The following RARB variants were observed in gnomAD, a reference collection of about 807,000 sequenced individuals.
RARB encodes retinoic acid receptor beta.
RARB carries 17 observed loss-of-function variants against 51.9 expected under a neutral mutation model. That is an observed-to-expected ratio of 0.33 (90% confidence interval 0.22 to 0.49). The LOEUF is 0.49. Ranked by LOEUF, RARB falls within the 20% of genes least tolerant of loss-of-function variation. RARB has a pLI of 0.99. For missense variants in RARB, 369 were observed against 550.8 expected, an observed-to-expected ratio of 0.67 and a Z score of 3.30; for synonymous variants, 215 against 195.4, an observed-to-expected ratio of 1.10 and a Z score of -0.84.
intron 2 of RARB, among the ~76,000 whole-genome samples, chr3:25,026,092 C>T (rs1697742792): frequency 6.6e-6 from 1 of 151,954 alleles, no homozygotes; most frequent in African/African-American, 2.4e-5. Flanking sequence ...GCTCTTGCTC[C>T]CCCCACCTTG....
At chr3:25,544,213 T>TA (rs1699510567) in intron 3 of RARB, among the ~76,000 whole-genome samples, 1 of 152,178 alleles carries the variant, frequency 6.6e-6, no homozygotes, top group African/African-American at 2.4e-5. Flanking sequence ...AAAAAATACA[T>TA]AAATGCATAG....
chr3:25,396,542 T>G (rs1185836805), intron 5 of RARB, among the ~76,000 whole-genome samples: 2 of 152,196 alleles, frequency 1.3e-5, no homozygotes, highest in Admixed American at 1.3e-4. Flanking sequence ...GATACAAGCT[T>G]GCCCTAAGGT....
chr3:24,928,248 A>G (rs1575076245), intron 2 of RARB, among the ~76,000 whole-genome samples: 3 of 152,000 alleles, frequency 2.0e-5, no homozygotes, highest in Admixed American at 2.0e-4. Context: ...CCCCTTATAA[A>G]AGTATCTCTG....
At chr3:25,262,044 G>T (rs1322061002) in intron 5 of RARB, among the ~76,000 whole-genome samples, 3 of 152,080 alleles carry the variant, frequency 2.0e-5, no homozygotes, top group Admixed American at 1.3e-4. Flanking sequence ...GCCCTCTGGG[G>T]CTTCCTTTTT....
chr3:24,875,107 A>G (rs992770285), intron 2 of RARB, among the ~76,000 whole-genome samples: 2 of 152,122 alleles, frequency 1.3e-5, no homozygotes, highest in East Asian at 3.8e-4. Flanking sequence ...CTAATCTTAC[A>G]TTTTAACATT....
intron 5 of RARB, among the ~76,000 whole-genome samples, chr3:25,295,286 T>C (rs551864700): frequency 3.9e-5 from 6 of 152,108 alleles, no homozygotes; most frequent in Non-Finnish European, 8.8e-5. Flanking sequence ...AGGTGGAGCT[T>C]TGGGGAGGTG....
chr3:25,281,564 A>T (rs1460695778), intron 5 of RARB, among the ~76,000 whole-genome samples: 1 of 152,218 alleles, frequency 6.6e-6, no homozygotes, highest in Admixed American at 6.5e-5. Context: ...GGAAGGGGCA[A>T]TAGGATCTGT....
chr3:25,497,082 C>G (rs566144948), intron 2 of RARB, among the ~76,000 whole-genome samples: 1 of 152,164 alleles, frequency 6.6e-6, no homozygotes, highest in East Asian at 1.9e-4. Context: ...CGGGCTTTCT[C>G]CACGTTGGTC....
chr3:24,988,579 A>T (rs968622861), intron 2 of RARB, among the ~76,000 whole-genome samples: 3 of 152,150 alleles, frequency 2.0e-5, no homozygotes, highest in African/African-American at 7.2e-5. Context: ...TTATAAGGTA[A>T]AGTATAGATT....
chr3:24,969,573 G>A (rs1696348813), intron 2 of RARB, among the ~76,000 whole-genome samples: 2 of 152,024 alleles, frequency 1.3e-5, no homozygotes, highest in South Asian at 2.1e-4. Context: ...TTATTTATGT[G>A]CCATTTCATT....
intron 2 of RARB, among the ~76,000 whole-genome samples, chr3:25,048,050 G>A (rs960228240): frequency 2.0e-5 from 3 of 152,164 alleles, no homozygotes; most frequent in Non-Finnish European, 2.9e-5. Flanking sequence ...ATGTGCCTTT[G>A]CTTCTTTTTT....
chr3:24,994,574 C>G (rs529823883), intron 2 of RARB, among the ~76,000 whole-genome samples: 278 of 152,174 alleles, frequency 1.8e-3, no homozygotes, highest in African/African-American at 6.4e-3. Flanking sequence ...ATTTCCCAGA[C>G]TAATGTCCTG....
intron 1 of RARB, among the ~76,000 whole-genome samples, chr3:24,851,373 A>T (rs1702553228): frequency 6.6e-6 from 1 of 150,992 alleles, no homozygotes; most frequent in Non-Finnish European, 1.5e-5. Flanking sequence ...GGCTGCAGTG[A>T]GCTGTGATTA....
chr3:25,310,404 G>T (rs1292443932), intron 5 of RARB, among the ~76,000 whole-genome samples: 1 of 152,116 alleles, frequency 6.6e-6, no homozygotes, highest in Non-Finnish European at 1.5e-5. Context: ...ATATTTTTTG[G>T]TACCTAGTAT....
At chr3:24,884,481 C>A (rs1439957659) in intron 2 of RARB, among the ~76,000 whole-genome samples, 1 of 151,988 alleles carries the variant, frequency 6.6e-6, no homozygotes, top group African/African-American at 2.4e-5. Context: ...CTCAAAGTTG[C>A]ATAGCACAGA....
intron 2 of RARB, among the ~76,000 whole-genome samples, chr3:25,499,742 A>G (rs1438530483): frequency 6.6e-6 from 1 of 152,226 alleles, no homozygotes; most frequent in African/African-American, 2.4e-5. Flanking sequence ...TTAAAGGAGG[A>G]TATGAGAAAG....
intron 5 of RARB, among the ~76,000 whole-genome samples, chr3:25,371,240 T>C (rs1273789161): frequency 1.3e-5 from 2 of 152,178 alleles, no homozygotes; most frequent in Non-Finnish European, 2.9e-5. Flanking sequence ...TACCATTATT[T>C]TGGAATAATA....
chr3:25,492,983 T>C (rs984732551), intron 2 of RARB, among the ~76,000 whole-genome samples: 11 of 132,360 alleles, frequency 8.3e-5, no homozygotes, highest in Admixed American at 6.7e-4. Flanking sequence ...ATTTATTACC[T>C]TTTTTTTTTT....
intron 1 of RARB, among the ~76,000 whole-genome samples, chr3:24,850,184 C>T (rs1702538990): frequency 6.6e-6 from 1 of 152,146 alleles, no homozygotes; most frequent in African/African-American, 2.4e-5. Flanking sequence ...AACACATCCC[C>T]AAAGCCTTCA....
Sources: allele counts gnomAD v4.1 joint callset (sites outside exome capture counted in the v4.1 genomes callset), GRCh38; gene constraint gnomAD v4.1.1; transcripts MANE v1.5; gene names NCBI Gene and HGNC (gene_info 2026-07-23, HGNC 2026-07-21).